ADAM23: variants seen among roughly 807,000 people sequenced by gnomAD.
ADAM23 encodes the protein disintegrin and metalloproteinase domain-containing protein 23.
A neutral mutation model predicts 120.1 loss-of-function variants in ADAM23; 33 were observed. The observed-to-expected ratio is 0.27, with a 90% confidence interval of 0.21 to 0.37. The LOEUF is 0.37. Ranked by LOEUF, ADAM23 falls within the 10% of genes least tolerant of loss-of-function variation. The pLI is 1.00. For missense variants in ADAM23, 862 were observed against 1,058.2 expected, an observed-to-expected ratio of 0.81 and a Z score of 2.57; for synonymous variants, 367 against 375.2, an observed-to-expected ratio of 0.98 and a Z score of 0.25.
At chr2:206,508,473 T>C (rs1408369832) in intron 3 of ADAM23, among the ~76,000 whole-genome samples, 1 of 151,726 alleles carries the variant, frequency 6.6e-6, no homozygotes, top group East Asian at 2.0e-4. Flanking sequence ...CTGGCCAACA[T>C]GGGGAAACCC....
intron 2 of ADAM23, among the ~76,000 whole-genome samples, chr2:206,478,385 A>C (rs1695826731): frequency 3.3e-5 from 5 of 152,170 alleles, no homozygotes; most frequent in Admixed American, 3.3e-4. Context: ...AAACATTCTT[A>C]CTGATAAAGG....
chr2:206,603,961 CAAA>C (rs556443421), intron 24 of ADAM23, among the ~76,000 whole-genome samples: 13 of 112,872 alleles, frequency 1.2e-4, no homozygotes, highest in East Asian at 2.5e-4. Context: ...AAACTTAAGC[CAAA>C]AAAAAAAAAA....
intron 18 of ADAM23, among the ~76,000 whole-genome samples, chr2:206,586,844 A>T (rs527271174): frequency 6.6e-6 from 1 of 152,284 alleles, no homozygotes; most frequent in Admixed American, 6.5e-5. Context: ...TAATGGAGAT[A>T]TAGCACTTAC....
chr2:206,469,217 T>C (rs900374094), intron 2 of ADAM23, among the ~76,000 whole-genome samples: 1 of 152,220 alleles, frequency 6.6e-6, no homozygotes, highest in East Asian at 1.9e-4. Context: ...CTTGGGTATG[T>C]AATGTGCATA....
intron 16 of ADAM23, among the ~76,000 whole-genome samples, chr2:206,571,131 T>A (rs919951754): frequency 1.3e-5 from 2 of 152,212 alleles, no homozygotes; most frequent in Admixed American, 6.5e-5. Flanking sequence ...TAAAATAGAT[T>A]GGGTATTAGA....
intron 2 of ADAM23, among the ~76,000 whole-genome samples, chr2:206,456,067 G>A (rs1007886087): frequency 2.6e-5 from 4 of 151,848 alleles, no homozygotes; most frequent in Non-Finnish European, 4.4e-5. Context: ...GTATTAGTTC[G>A]TTCTCACACT....
intron 4 of ADAM23, among the ~76,000 whole-genome samples, chr2:206,541,503 G>T (rs1415827265): frequency 1.3e-5 from 2 of 152,024 alleles, no homozygotes; most frequent in Non-Finnish European, 2.9e-5. Context: ...CATTAAAAAT[G>T]GTTGCCTTGG....
chr2:206,584,560 G>A (rs1698283992), intron 18 of ADAM23, among the ~76,000 whole-genome samples: 2 of 152,054 alleles, frequency 1.3e-5, no homozygotes, highest in Non-Finnish European at 2.9e-5. Flanking sequence ...ATCCTCCTAG[G>A]TAGAGACCTG....
intron 2 of ADAM23, among the ~76,000 whole-genome samples, chr2:206,461,585 T>C (rs1339691452): frequency 6.6e-6 from 1 of 152,114 alleles, no homozygotes; most frequent in Admixed American, 6.6e-5. Context: ...TTGGGGAAGT[T>C]GTTGAAAAGA....
chr2:206,528,738 T>C (rs1284805690), intron 3 of ADAM23, among the ~76,000 whole-genome samples: 2 of 152,204 alleles, frequency 1.3e-5, no homozygotes, highest in Non-Finnish European at 2.9e-5. Context: ...GGCAAAATTA[T>C]AGAAAATCAG....
chr2:206,496,752 T>C (rs1295179302), intron 3 of ADAM23, among the ~76,000 whole-genome samples: 1 of 152,098 alleles, frequency 6.6e-6, no homozygotes, highest in Admixed American at 6.5e-5. Context: ...GATAGACTGC[T>C]AGCAAGACTA....
chr2:206,517,019 AAAAAT>A (rs1475401395), intron 3 of ADAM23, among the ~76,000 whole-genome samples: 4 of 152,018 alleles, frequency 2.6e-5, no homozygotes, highest in African/African-American at 9.7e-5. Context: ...ATAAATAAAT[AAAAAT>A]AAAATAATAG....
Position 206,481,681 on chromosome 2 carries a change from A to G in ADAM23, c.509+373A>G, listed in dbSNP as rs149128753. Among the ~76,000 whole-genome samples the G allele has an allele frequency of 7.1e-3, 1,083 of 152,346 alleles. 17 individuals carry two copies. The highest frequency in any genetic ancestry group is 0.025 in the African/African-American group (1,022 of 41,588). ...TTCTTCCATTTACTCTTTATAATGC[A>G]ATTCGCATGACTTCTGTGGGAAGAA... On this transcript the variant is annotated intron_variant, in intron 3 of 25. Transcript: ENST00000264377.
rs748747316 is a variant in ADAM23 at position 206,619,735 on chromosome 2, A to G, written c.*2108A>G. 4 of 152,220 alleles carry G rather than the reference A, an allele frequency of 2.6e-5. No individual in the cohort carries two copies. Among genetic ancestry groups the G allele is most frequent in the Admixed American group, 6.5e-5 (1 of 15,272 alleles). The allele number at this position is 152,220 out of a possible 1,614,324, so 9.4% of individuals were successfully genotyped here. On this transcript the variant is annotated 3_prime_UTR_variant, in exon 26 of 26. Coordinates refer to ENST00000264377, the MANE Select transcript of ADAM23 (RefSeq NM_003812.4). The stretch of plus-strand genomic sequence containing the variant: ...CTTTAACTGGGGAAGTACCACAAAC[A>G]TAGAGCAGAGACTTTAATTTCTATA...
intron 2 of ADAM23, among the ~76,000 whole-genome samples, chr2:206,463,592 G>A (rs1695473687): frequency 6.6e-6 from 1 of 152,230 alleles, no homozygotes; most frequent in African/African-American, 2.4e-5. Context: ...TCTTTGTCCT[G>A]GGGAATAGTG....
intron 18 of ADAM23, among the ~76,000 whole-genome samples, chr2:206,582,444 G>T (rs534503169): frequency 6.6e-6 from 1 of 152,140 alleles, no homozygotes; most frequent in Non-Finnish European, 1.5e-5. Context: ...TATGTGTCAG[G>T]TGAGTCTCCT....
At chr2:206,506,385 C>T (rs773977399) in intron 3 of ADAM23, among the ~76,000 whole-genome samples, 66 of 152,258 alleles carry the variant, frequency 4.3e-4, no homozygotes, top group Middle Eastern at 6.8e-3. Context: ...AATAGGGATG[C>T]AAAAAGTAGT....
chr2:206,507,541 A>G (rs1696520496), intron 3 of ADAM23, among the ~76,000 whole-genome samples: 1 of 152,168 alleles, frequency 6.6e-6, no homozygotes, highest in Non-Finnish European at 1.5e-5. Context: ...CTTCCTGTAT[A>G]GCCTACAGAA....
chr2:206,508,116 A>G (rs1009504147), intron 3 of ADAM23, among the ~76,000 whole-genome samples: 15 of 151,566 alleles, frequency 9.9e-5, no homozygotes, highest in East Asian at 9.8e-4. Flanking sequence ...TGCAAGCCCC[A>G]CCTCCCAGGT....
Sources: gnomAD v4.1 joint callset for allele counts (sites outside exome capture counted in the v4.1 genomes callset) on GRCh38, gnomAD v4.1.1 for gene constraint, MANE v1.5 for transcripts, NCBI Gene and HGNC (gene_info 2026-07-23, HGNC 2026-07-21) for gene names.